SAMD8: variants seen among roughly 807,000 people sequenced by gnomAD.
The protein encoded by SAMD8 is sphingomyelin synthase-related protein 1.
SAMD8 carries 20 observed loss-of-function variants against 42.0 expected under a neutral mutation model. That is an observed-to-expected ratio of 0.48 (90% CI 0.34 to 0.69). SAMD8 has a LOEUF of 0.69. SAMD8 is among the 30% of genes least tolerant of loss of function. The pLI is 0.01. For synonymous variants in SAMD8, 162 were observed against 173.0 expected (o/e 0.94, Z 0.50); for missense variants, 328 against 511.6 (o/e 0.64, Z 3.46).
intron 2 of SAMD8, among the ~76,000 whole-genome samples, chr10:75,161,802 C>G (rs139930601): frequency 6.6e-6 from 1 of 151,860 alleles, no homozygotes; most frequent in Non-Finnish European, 1.5e-5. Flanking sequence ...TTTGGGAGGC[C>G]GAGGTGGCCA....
chr10:75,126,569 A>ATAGC (rs1351937638), intron 1 of SAMD8, among the ~76,000 whole-genome samples: 1 of 145,934 alleles, frequency 6.9e-6, no homozygotes, highest in Admixed American at 7.1e-5. Flanking sequence ...TGGCATGATC[A>ATAGC]TAGCTCACTG....
intron 1 of SAMD8, among the ~76,000 whole-genome samples, chr10:75,132,044 G>A (rs1451327166): frequency 6.6e-6 from 1 of 152,196 alleles, no homozygotes; most frequent in African/African-American, 2.4e-5. Flanking sequence ...CTTTGTATAT[G>A]TAGTTTCCTT....
intron 1 of SAMD8, among the ~76,000 whole-genome samples, chr10:75,122,657 C>T (rs1040277749): frequency 2.0e-5 from 3 of 151,716 alleles, no homozygotes; most frequent in Admixed American, 6.6e-5. Flanking sequence ...GTGGCTCTCT[C>T]CTGTAAACCC....
intron 1 of SAMD8, among the ~76,000 whole-genome samples, chr10:75,129,658 T>C (rs1849229585): frequency 6.6e-6 from 1 of 152,218 alleles, no homozygotes; most frequent in South Asian, 2.1e-4. Context: ...ATGGTTTGTT[T>C]ATATAGCCTT....
intron 2 of SAMD8, among the ~76,000 whole-genome samples, chr10:75,158,600 T>A (rs559790461): frequency 6.6e-5 from 10 of 151,732 alleles, no homozygotes; most frequent in South Asian, 2.1e-4. Context: ...AAAAAAAAAA[T>A]AATAATAAAG....
At chr10:75,154,655 A>G (rs1281856030) in intron 2 of SAMD8, among the ~76,000 whole-genome samples, 2 of 136,374 alleles carry the variant, frequency 1.5e-5, no homozygotes, top group Non-Finnish European at 3.0e-5. Flanking sequence ...AGGTCATTCT[A>G]GTTGTTGTAT....
chr10:75,102,200 G>C (rs1004900094), intron 1 of SAMD8, among the ~76,000 whole-genome samples: 16 of 152,190 alleles, frequency 1.1e-4, no homozygotes, highest in African/African-American at 3.9e-4. Context: ...GAAGGGGCCG[G>C]GCGCGGTGGC....
At chr10:75,163,566 T>C (rs1840608089) in intron 2 of SAMD8, among the ~76,000 whole-genome samples, 1 of 152,154 alleles carries the variant, frequency 6.6e-6, no homozygotes, top group Non-Finnish European at 1.5e-5. Flanking sequence ...TCCAAGTAGC[T>C]GGGACTTACA....
intron 1 of SAMD8, among the ~76,000 whole-genome samples, chr10:75,128,994 G>A (rs1390050825): frequency 1.3e-5 from 2 of 151,772 alleles, no homozygotes; most frequent in Non-Finnish European, 2.9e-5. Flanking sequence ...TAATATAGAA[G>A]CCCTACTTTT....
intron 4 of SAMD8, among the ~76,000 whole-genome samples, chr10:75,174,834 T>C (rs1424393515): frequency 6.6e-6 from 1 of 151,858 alleles, no homozygotes; most frequent in Non-Finnish European, 1.5e-5. Context: ...TGTGTGGGAG[T>C]TGGGATTAGG....
At chr10:75,122,204 A>G (rs1267805196) in intron 1 of SAMD8, among the ~76,000 whole-genome samples, 1 of 152,196 alleles carries the variant, frequency 6.6e-6, no homozygotes, top group Non-Finnish European at 1.5e-5. Flanking sequence ...GGGCCCATTC[A>G]AGGAGTAAAT....
At chr10:75,126,416 A>G (rs1459172201) in intron 1 of SAMD8, among the ~76,000 whole-genome samples, 1 of 151,674 alleles carries the variant, frequency 6.6e-6, no homozygotes, top group Non-Finnish European at 1.5e-5. Context: ...TGAATGCCAC[A>G]TTGCCTAGTG....
intron 1 of SAMD8, among the ~76,000 whole-genome samples, chr10:75,149,392 T>C (rs974541699): frequency 1.3e-5 from 2 of 152,214 alleles, no homozygotes; most frequent in Admixed American, 1.3e-4. Context: ...TCATCAAATT[T>C]GTGAGTACAT....
chr10:75,102,450 AAAAAAGAAAAAAC>A (rs1018134146), intron 1 of SAMD8, among the ~76,000 whole-genome samples: 4 of 152,144 alleles, frequency 2.6e-5, no homozygotes, highest in Admixed American at 6.5e-5. Context: ...CTCAAAAAGA[AAAAAAGAAAAAAC>A]AAAAAGAAAA....
At chr10:75,109,191 C>T (rs769452058), upstream of SAMD8, 4 of 1,527,456 alleles carry the variant, frequency 2.6e-6, no homozygotes, top group Non-Finnish European at 3.5e-6. Flanking sequence ...CCTCTGTGGT[C>T]ACTCCTCTCT....
upstream of SAMD8, chr10:75,109,043 C>T: frequency 1.2e-6 from 2 of 1,611,830 alleles, no homozygotes; most frequent in South Asian, 2.2e-5. Context: ...CAAACTTCGT[C>T]CACACGGCTG....
chr10:75,166,804 T>A (rs1010738573), intron 3 of SAMD8, among the ~76,000 whole-genome samples: 1 of 152,210 alleles, frequency 6.6e-6, no homozygotes, highest in Non-Finnish European at 1.5e-5. Flanking sequence ...ACAGGAAACC[T>A]TGGTAGGTTT....
intron 4 of SAMD8, among the ~76,000 whole-genome samples, chr10:75,174,632 C>G (rs1589981591): frequency 1.3e-5 from 2 of 150,896 alleles, no homozygotes; most frequent in African/African-American, 4.9e-5. Context: ...ATGGGTTTTC[C>G]ATGTTGGTCA....
At chr10:75,111,432 T>TGGGCCCCGCCCCCTGCCGGTAGAACCC, upstream of SAMD8, 1 of 1,039,464 alleles carries the variant, frequency 9.6e-7, no homozygotes, top group Non-Finnish European at 1.2e-6. Context: ...TTTTCCAGTG[T>TGGGCCCCGCCCCCTGCCGGTAGAACCC]GGGCCCCGCC....
Sources: allele counts gnomAD v4.1 joint callset (sites outside exome capture counted in the v4.1 genomes callset), GRCh38; gene constraint gnomAD v4.1.1; transcripts MANE v1.5; gene names NCBI Gene and HGNC (gene_info 2026-07-23, HGNC 2026-07-21).